Variants in KRABD1 observed in about 807,000 individuals in gnomAD.
The protein encoded by KRABD1 is KRAB domain containing 1.
the KRABD1 span, chr3:42,936,541 C>G: frequency 1.3e-5 from 2 of 152,302 alleles, no homozygotes; most frequent in Non-Finnish European, 2.9e-5. Context: ...TGCCGATCCC[C>G]GAGCTTGGCT....
At chr3:42,938,978 C>T in the KRABD1 span, 2 of 1,394,178 alleles carry the variant, frequency 1.4e-6, no homozygotes, top group African/African-American at 2.9e-5. Context: ...TGTGTATATA[C>T]ATATGTGTTT....
the KRABD1 span, chr3:42,942,642 G>T: frequency 2.3e-6 from 3 of 1,314,404 alleles, no homozygotes; most frequent in Non-Finnish European, 3.1e-6. Context: ...CAGGAGAAAA[G>T]CTTAATTCTT....
At chr3:42,942,113 C>A in the KRABD1 span, 1 of 1,329,372 alleles carries the variant, frequency 7.5e-7, no homozygotes, top group Non-Finnish European at 1.0e-6. Flanking sequence ...TTGTCTCTTC[C>A]TTTGCCTTCA....
the KRABD1 span, chr3:42,941,259 T>A: frequency 6.3e-7 from 1 of 1,580,106 alleles, no homozygotes; most frequent in Admixed American, 1.8e-5. Context: ...GGCTGTGTAC[T>A]TCACTACGAA....
At chr3:42,942,488 A>G in the KRABD1 span, 2 of 516,718 alleles carry the variant, frequency 3.9e-6, no homozygotes, top group Non-Finnish European at 6.4e-6. Flanking sequence ...ATAATTTTTT[A>G]TACTGAAATA....
At chr3:42,937,332 T>G in the KRABD1 span, 1 of 152,202 alleles carries the variant, frequency 6.6e-6, no homozygotes, top group African/African-American at 2.4e-5. Context: ...GACACTTCCA[T>G]AGGGAGTGTT....
the KRABD1 span, chr3:42,942,204 C>A: frequency 3.0e-6 from 2 of 676,236 alleles, no homozygotes; most frequent in South Asian, 3.5e-5. Context: ...TTTTTTCTGA[C>A]CGGTGTGTTA....
the KRABD1 span, chr3:42,937,332 T>C: frequency 1.3e-5 from 2 of 152,202 alleles, no homozygotes; most frequent in Non-Finnish European, 2.9e-5. Context: ...GACACTTCCA[T>C]AGGGAGTGTT....
At chr3:42,937,827 G>A in the KRABD1 span, 2 of 152,204 alleles carry the variant, frequency 1.3e-5, no homozygotes, top group East Asian at 1.9e-4. Flanking sequence ...TGGAGGGAGG[G>A]GCAGTGCACT....
chr3:42,941,146 C>T, the KRABD1 span: 5 of 1,359,926 alleles, frequency 3.7e-6, no homozygotes, highest in Non-Finnish European at 3.0e-6. Context: ...TTTGTAGATG[C>T]CCTTCTCAGG....
At chr3:42,941,118 A>T in the KRABD1 span, 3 of 1,072,220 alleles carry the variant, frequency 2.8e-6, no homozygotes, top group Non-Finnish European at 3.9e-6. Context: ...TGAAGGACCC[A>T]ATACTGAATA....
the KRABD1 span, chr3:42,941,119 A>G: frequency 6.4e-6 from 7 of 1,097,220 alleles, no homozygotes; most frequent in South Asian, 1.8e-5. Context: ...GAAGGACCCA[A>G]TACTGAATAC....
the KRABD1 span, chr3:42,936,873 C>G: frequency 6.6e-6 from 1 of 152,134 alleles, no homozygotes; most frequent in Non-Finnish European, 1.5e-5. Flanking sequence ...GTTATTTTCG[C>G]CTGCCATAGT....
At chr3:42,942,125 T>G in the KRABD1 span, 8 of 1,216,540 alleles carry the variant, frequency 6.6e-6, no homozygotes, top group Non-Finnish European at 9.3e-6. Context: ...TTGCCTTCAT[T>G]TCATCAAAAT....
chr3:42,937,834 C>A, the KRABD1 span: 2 of 152,216 alleles, frequency 1.3e-5, no homozygotes, highest in African/African-American at 4.8e-5. Flanking sequence ...AGGGGCAGTG[C>A]ACTGGCTTTA....
chr3:42,940,863 T>G, the KRABD1 span, among the ~76,000 whole-genome samples: 1 of 152,200 alleles, frequency 6.6e-6, no homozygotes, highest in Non-Finnish European at 1.5e-5. Flanking sequence ...AGGGAGGGGC[T>G]TAGAGCTAAG....
the KRABD1 span, among the ~76,000 whole-genome samples, chr3:42,939,833 T>C: frequency 2.0e-5 from 3 of 152,194 alleles, no homozygotes; most frequent in East Asian, 5.8e-4. Context: ...GTGAACTCCC[T>C]GTTCAGATAT....
At chr3:42,942,096 T>C in the KRABD1 span, 1 of 1,430,980 alleles carries the variant, frequency 7.0e-7, no homozygotes. Context: ...AGGGTTCTTC[T>C]CCAGCTTTGT....
At chr3:42,938,947 CTA>C in the KRABD1 span, 1 of 1,528,614 alleles carries the variant, frequency 6.5e-7, no homozygotes, top group Non-Finnish European at 8.8e-7. Context: ...CTGTTTTTTT[CTA>C]TCTCTGTACA....
Sources: gnomAD v4.1 joint callset for allele counts (sites outside exome capture counted in the v4.1 genomes callset) on GRCh38, gnomAD v4.1.1 for gene constraint, MANE v1.5 for transcripts, NCBI Gene and HGNC (gene_info 2026-07-23, HGNC 2026-07-21) for gene names.